The following RGS3 variants were observed in gnomAD, a reference collection of about 807,000 sequenced individuals.
RGS3 encodes regulator of G protein signaling 3.
In RGS3, 80 loss-of-function variants were observed where a neutral mutation model predicts 132.6. The observed-to-expected ratio is 0.60, with a 90% confidence interval of 0.50 to 0.73. The LOEUF (loss-of-function observed/expected upper bound fraction) is 0.73, where lower values mean the gene tolerates loss of function less well. RGS3 is among the 30% of genes least tolerant of loss of function. The pLI, the probability that RGS3 is intolerant of heterozygous loss-of-function variation, is 0.00. For missense variants in RGS3, 1,382 were observed against 1,530.8 expected (o/e 0.90, Z 1.62); for synonymous variants, 598 against 620.6 (o/e 0.96, Z 0.54).
intron 1 of RGS3, among the ~76,000 whole-genome samples, chr9:113,449,809 C>T (rs1352551567): frequency 6.6e-6 from 1 of 151,878 alleles, no homozygotes; most frequent in Non-Finnish European, 1.5e-5. Context: ...GTGGCTCAGT[C>T]TTGGCTCACT....
chr9:113,489,432 A>G (rs1830437398), intron 7 of RGS3, among the ~76,000 whole-genome samples: 1 of 152,182 alleles, frequency 6.6e-6, no homozygotes, highest in African/African-American at 2.4e-5. Flanking sequence ...TGACCATCTC[A>G]CATGGATGAT....
At chr9:113,480,812 T>C (rs1830136139) in intron 4 of RGS3, among the ~76,000 whole-genome samples, 1 of 152,252 alleles carries the variant, frequency 6.6e-6, no homozygotes, top group African/African-American at 2.4e-5. Flanking sequence ...TGTCTGTCCA[T>C]GTGTCCATCC....
At chr9:113,542,876 T>C (rs1417236091) in intron 19 of RGS3, among the ~76,000 whole-genome samples, 1 of 152,196 alleles carries the variant, frequency 6.6e-6, no homozygotes. Context: ...ATGCTTTCCA[T>C]GGGGCTTCCG....
At position 113,508,505 on chromosome 9, in the gene RGS3, TG is replaced by T. The variant is rs769905613; in HGVS notation, c.1438-32del. 5 of 1,611,758 alleles carry T rather than the reference TG, an allele frequency of 3.1e-6. No individual in the cohort carries two copies. The Admixed American group carries it at 6.7e-5, about 21-fold the overall frequency. ...CTCCTGGGCTGTCCTGCCCTGTTCC[TG>T]GGGCTGAGGTGGTTTTCCTGTCTTT... On this transcript the variant is annotated intron_variant, in intron 13 of 24. Coordinates refer to ENST00000350696, the Ensembl canonical transcript of RGS3.
chr9:113,479,583 C>A (rs1336534051), intron 4 of RGS3, 42 bp downstream of exon 2: 2 of 1,602,272 alleles, frequency 1.2e-6, no homozygotes, highest in African/African-American at 1.3e-5. Context: ...AAGGGGCGGG[C>A]CACTCAGCTT....
chr9:113,533,885 A>G (rs1373991472), intron 18 of RGS3, among the ~76,000 whole-genome samples: 1 of 152,204 alleles, frequency 6.6e-6, no homozygotes, highest in Non-Finnish European at 1.5e-5. Flanking sequence ...TTCCCCTGCC[A>G]TGGGCTAGAG....
intron 3 of RGS3, among the ~76,000 whole-genome samples, chr9:113,465,114 C>A (rs1002682219): frequency 1.3e-5 from 2 of 152,094 alleles, no homozygotes; most frequent in African/African-American, 2.4e-5. Flanking sequence ...AATGCCCCAG[C>A]GTAGGAGGCA....
At chr9:113,583,347 C>A (rs779918770) in intron 19 of RGS3, 103 bp from the exon 18 acceptor site, 1 of 1,475,832 alleles carries the variant, frequency 6.8e-7, no homozygotes, top group African/African-American at 1.4e-5. Context: ...ACTGGGGGCC[C>A]GGGGTTCAGG....
intron 14 of RGS3, among the ~76,000 whole-genome samples, chr9:113,511,017 C>T (rs567473766): frequency 6.6e-6 from 1 of 152,320 alleles, no homozygotes; most frequent in Middle Eastern, 3.4e-3. Context: ...GATAGCCCTT[C>T]AGGAGTGTTG....
chr9:113,463,709 T>TCGCGCTCCTCCCGCC lies in RGS3; in HGVS notation c.415+1510_415+1524dup, dbSNP rs1474706154. The TCGCGCTCCTCCCGCC allele has an allele frequency of 3.5e-6, 5 of 1,446,702 alleles. No individual in the cohort carries two copies. The South Asian group carries it at 4.3e-5, about 13-fold the overall frequency. 89.6% of individuals were successfully genotyped at this position (1,446,702 alleles called of 1,614,324 possible). A position where few individuals can be genotyped will look rare whatever the true frequency, so the allele number is the denominator to read the frequency against. ...CGCTTGGGGCAGCCCTACCTCCCGCTCGCGCTCCTCCCGCCCTGGAGACTC... is the reference window on the plus strand; with the variant it reads ...CGCTTGGGGCAGCCCTACCTCCCGCTCGCGCTCCTCCCGCCCGCGCTCCTCCCGCCCTGGAGACTC... On this transcript the variant is annotated intron_variant, in intron 3 of 24. Coordinates refer to ENST00000350696, the Ensembl canonical transcript of RGS3. The surrounding 1 kb of genome is among the most constrained non-coding windows in gnomAD (Gnocchi z 4.6).
chr9:113,476,601 G>C (rs1588143243), intron 3 of RGS3, among the ~76,000 whole-genome samples: 1 of 152,198 alleles, frequency 6.6e-6, no homozygotes, highest in Admixed American at 6.5e-5. Context: ...CCTGGAACGG[G>C]AGCAGTGCAG....
intron 19 of RGS3, among the ~76,000 whole-genome samples, chr9:113,575,443 T>C (rs1235724346): frequency 6.6e-6 from 1 of 152,114 alleles, no homozygotes; most frequent in Non-Finnish European, 1.5e-5. Context: ...CCTTTGCCCC[T>C]CTCTCCTCCT....
At chr9:113,554,443 C>A (rs1833484062) in intron 19 of RGS3, among the ~76,000 whole-genome samples, 1 of 152,216 alleles carries the variant, frequency 6.6e-6, no homozygotes, top group Non-Finnish European at 1.5e-5. Flanking sequence ...GTAACTGGGA[C>A]TACAGGCACA....
chr9:113,556,504 G>T (rs1349618718), intron 19 of RGS3, among the ~76,000 whole-genome samples: 1 of 152,080 alleles, frequency 6.6e-6, no homozygotes, highest in Non-Finnish European at 1.5e-5. Context: ...TCATAGATGA[G>T]AAAACAAAGG....
intron 24 of RGS3, among the ~76,000 whole-genome samples, chr9:113,596,107 G>T (rs909140498): frequency 1.3e-5 from 2 of 152,256 alleles, no homozygotes; most frequent in African/African-American, 4.8e-5. Flanking sequence ...AGCCGAGCCA[G>T]GCGGATCACT....
At chr9:113,532,405 C>T (rs1459942418) in intron 18 of RGS3, among the ~76,000 whole-genome samples, 1 of 152,026 alleles carries the variant, frequency 6.6e-6, no homozygotes, top group Non-Finnish European at 1.5e-5. Context: ...AAGCTTAGGT[C>T]TCCCGAAAAT....
chr9:113,588,291 A>G (rs1399098843), intron 20 of RGS3, among the ~76,000 whole-genome samples: 1 of 152,258 alleles, frequency 6.6e-6, no homozygotes, highest in Non-Finnish European at 1.5e-5. Flanking sequence ...AAAAGCCTAA[A>G]GAATTATTTC....
chr9:113,498,188 G>A, intron 10 of RGS3, 108 bp downstream of exon 8: 1 of 875,704 alleles, frequency 1.1e-6, no homozygotes, highest in Non-Finnish European at 1.9e-6. Context: ...TTGAAACTCA[G>A]CAAGTCATGT....
At position 113,578,640 on chromosome 9, in the gene RGS3, G is replaced by A. The variant is rs559906920; in HGVS notation, c.2038-4810G>A. On this transcript the variant is annotated intron_variant, in intron 19 of 24. Coordinates refer to ENST00000350696, the Ensembl canonical transcript of RGS3. ...CCAGACCTGGAGGAGCTGGGCTGAC[G>A]CTGAGCCAGGAGAGCTAAGTGTTAG... is the stretch of plus-strand genomic sequence containing the variant. Among the ~76,000 whole-genome samples the A allele has an allele frequency of 3.0e-4, 46 of 152,262 alleles. 1 individual carries two copies. Among genetic ancestry groups the A allele is most frequent in the Admixed American group, 3.0e-3 (46 of 15,308 alleles).
Sources: allele counts gnomAD v4.1 joint callset (sites outside exome capture counted in the v4.1 genomes callset), GRCh38; gene constraint gnomAD v4.1.1; non-coding constraint Gnocchi (gnomAD v3.1); transcripts MANE v1.5; gene names NCBI Gene and HGNC (gene_info 2026-07-23, HGNC 2026-07-21).